PPM1K: variants seen among roughly 807,000 people sequenced by gnomAD.
The protein encoded by PPM1K is protein phosphatase, Mg2+/Mn2+ dependent 1K.
Under a neutral mutation model 32.6 loss-of-function variants are expected in PPM1K, and 19 were observed. The observed-to-expected ratio is 0.58, with a 90% CI of 0.41 to 0.86. The LOEUF is 0.86. PPM1K is among the 40% of genes least tolerant of loss of function. The pLI is 0.00. For synonymous variants in PPM1K, 159 were observed against 165.3 expected (o/e 0.96, Z 0.29); for missense variants, 362 against 461.2 (o/e 0.78, Z 1.97).
intron 5 of PPM1K, among the ~76,000 whole-genome samples, chr4:88,266,455 CTGAT>C (rs1332093867): frequency 2.7e-5 from 4 of 147,792 alleles, no homozygotes; most frequent in South Asian, 2.2e-4. Context: ...GTGTTGCTGG[CTGAT>C]TGGGTGCAGG....
chr4:88,281,306 T>C (rs563436195), intron 1 of PPM1K, among the ~76,000 whole-genome samples: 12 of 152,318 alleles, frequency 7.9e-5, no homozygotes, highest in African/African-American at 2.6e-4. Context: ...TAAATAAATA[T>C]TGAAGTTTTT....
Position 88,262,179 on chromosome 4 carries a change from A to C in PPM1K, c.*416T>G, listed in dbSNP as rs1731144839. The C allele has an allele frequency of 6.5e-6, 1 of 153,042 alleles. No individual in the cohort carries two copies. Among genetic ancestry groups the C allele is most frequent in the African/African-American group, 2.4e-5 (1 of 41,450 alleles). The allele number at this position is 153,042 out of a possible 1,614,324, so 9.5% of individuals were successfully genotyped here. A position where few individuals can be genotyped will look rare whatever the true frequency, so the allele number is the denominator to read the frequency against. ...GAAGTCTGGAAAAAAATTTTTTTAA[A>C]CTTGGAGATCACATATTGAATAGCT... On this transcript the variant is annotated 3_prime_UTR_variant, in exon 7 of 7. Coordinates refer to ENST00000608933, the MANE Select transcript of PPM1K (RefSeq NM_152542.5).
chr4:88,273,816 T>A (rs562025976), intron 3 of PPM1K, among the ~76,000 whole-genome samples: 29 of 152,226 alleles, frequency 1.9e-4, no homozygotes, highest in African/African-American at 6.5e-4. Context: ...CCCATCTGCA[T>A]AATAAAAGAT....
chr4:88,273,955 C>G (rs945472371), intron 3 of PPM1K, among the ~76,000 whole-genome samples: 1 of 152,210 alleles, frequency 6.6e-6, no homozygotes, highest in African/African-American at 2.4e-5. Context: ...AAATCAGACA[C>G]TGCCTCCTCA....
rs150935940 is a variant in PPM1K at position 88,277,158 on chromosome 4, G to C, written c.526C>G (p.Arg176Gly). The C allele has an allele frequency of 5.6e-6, 9 of 1,613,098 alleles. No individual in the cohort carries two copies. Among genetic ancestry groups the C allele is most frequent in the Non-Finnish European group, 6.8e-6 (8 of 1,179,220 alleles). ...EIDKAFSSHARLSADATLLTS... is the reference protein window; with the variant it reads ...EIDKAFSSHAGLSADATLLTS... ...TTTTACATACCATCAGCAGACAGGC[G>C]GGCATGACTCGAAAAGGCTTTATCT... Residue 176 changes from arginine (R) to glycine (G), a missense_variant, in exon 3 of 7, where the codon CGC (arginine) becomes GGC (glycine). Arg to Gly is a moderately radical substitution (Grantham distance 125). Transcript: ENST00000608933.
At chr4:88,275,887 G>C in intron 3 of PPM1K, 1 of 985,360 alleles carries the variant, frequency 1.0e-6, no homozygotes, top group Non-Finnish European at 1.2e-6. Flanking sequence ...TCTTCTTAAA[G>C]GTAAGGGTCC....
chr4:88,277,289 A>T (rs756411494), intron 2 of PPM1K, 46 bp from the exon 3 acceptor site: 1 of 1,306,054 alleles, frequency 7.7e-7, no homozygotes, highest in Non-Finnish European at 1.1e-6. Context: ...ATTTTACAAT[A>T]GGTTTTTCTC....
At chr4:88,265,270 G>T in intron 5 of PPM1K, 135 bp from the exon 6 acceptor site, 1 of 944,652 alleles carries the variant, frequency 1.1e-6, no homozygotes, top group Non-Finnish European at 1.6e-6. Flanking sequence ...GTTTGGCTGT[G>T]TCCCCACCCA....
chr4:88,278,563 A>C lies in PPM1K; in HGVS notation c.21T>G (p.Ile7Met). 6.2e-7 allele frequency: 1 copy of C among 1,610,286 alleles called. No individual in the cohort carries two copies. The highest frequency in any genetic ancestry group is 8.5e-7 in the Non-Finnish European group (1 of 1,178,042). ...GGTTCCCACCACTTCTGACCAAAGT[A>C]ATTAAGGCAGCTGTTGACATAACTC... MSTAAL[I>M]TLVRSGGNQV... is the part of the protein sequence containing the mutation. The change falls in exon 2 of 7, where the codon ATT becomes ATG. Residue 7 changes from isoleucine (I) to methionine (M), a missense_variant. Transcript: ENST00000608933. This position sits in a 1 kb window ranked among gnomAD's most constrained non-coding sequence, Gnocchi z 4.2.
chr4:88,270,308 T>C (rs761474877), intron 3 of PPM1K, among the ~76,000 whole-genome samples: 1 of 152,214 alleles, frequency 6.6e-6, no homozygotes, highest in Non-Finnish European at 1.5e-5. Context: ...TCTTTTATAG[T>C]CATGCTGAAC....
chr4:88,283,135 G>C (rs72661670), intron 1 of PPM1K, among the ~76,000 whole-genome samples: 2 of 152,300 alleles, frequency 1.3e-5, no homozygotes, highest in African/African-American at 2.4e-5. Flanking sequence ...TTCTTTCTGA[G>C]ACAGGGTCTT....
intron 3 of PPM1K, chr4:88,276,758 C>T (rs1169056260): frequency 2.0e-6 from 2 of 999,322 alleles, no homozygotes; most frequent in African/African-American, 1.7e-5. Flanking sequence ...TGTATTTCAG[C>T]ACTTGGTCAC....
At position 88,261,727 on chromosome 4, in the gene PPM1K, G is replaced by T. The variant is rs759061085; in HGVS notation, c.*868C>A. On this transcript the variant is annotated 3_prime_UTR_variant, in exon 7 of 7. Coordinates refer to ENST00000608933, the MANE Select transcript of PPM1K (RefSeq NM_152542.5). ...TTTTTTTTTTGAGATGGAGTTTTTC[G>T]CTCTTGCTGCCCAGGCTGGAGTGCA... is the stretch of plus-strand genomic sequence containing the variant. 9 of 133,184 alleles carry T rather than the reference G, an allele frequency of 6.8e-5. No homozygotes were observed. The highest frequency in any genetic ancestry group is 1.3e-4 in the Non-Finnish European group (8 of 63,424). The allele number at this position is 133,184 out of a possible 1,614,324, so 8.3% of individuals were successfully genotyped here.
chr4:88,267,279 C>T (rs1731372415), intron 5 of PPM1K, among the ~76,000 whole-genome samples: 1 of 144,574 alleles, frequency 6.9e-6, no homozygotes, highest in East Asian at 2.1e-4. Flanking sequence ...TGATTGGGTG[C>T]AGGTGATGCT....
rs192902966 is a variant in PPM1K, at chr4:88,277,851, C to T, written c.440+293G>A. On this transcript the variant is annotated intron_variant, in intron 2 of 6. Coordinates refer to ENST00000608933, the MANE Select transcript of PPM1K (RefSeq NM_152542.5). ...TGTCCTACACTGATGGGAGTAAATG[C>T]TTCTCATAGGTTATCTCATGTACAT... 7 of 448,328 alleles carry T rather than the reference C, an allele frequency of 1.6e-5. No individual in the cohort carries two copies. The Admixed American group carries it at 2.8e-4, about 18-fold the overall frequency. The allele number at this position is 448,328 out of a possible 1,614,324, so 27.8% of individuals were successfully genotyped here.
chr4:88,271,115 T>A (rs763069675), intron 3 of PPM1K: 2 of 518,616 alleles, frequency 3.9e-6, no homozygotes, highest in East Asian at 5.5e-5. Flanking sequence ...ATTAAGCAGA[T>A]CTCTCTTTCC....
chr4:88,278,249 T>C lies in PPM1K; in HGVS notation c.335A>G (p.Asp112Gly). Residue 112 changes from aspartate to glycine, a missense_variant, in exon 2 of 7, where the codon GAC becomes GGC. By Grantham distance (94) the Asp-to-Gly change is moderately conservative. Transcript: ENST00000608933. The surrounding 1 kb of genome is among the most constrained non-coding windows in gnomAD (Gnocchi z 4.2). Reference protein sequence around the residue: ...GKRKENEDRFDFAQLTDEVLY... With the variant: ...GKRKENEDRFGFAQLTDEVLY... ...GACCTCATCTGTCAGCTGAGCGAAGTCAAACCGATCTTCATTCTCTTTCCG... is the reference window on the plus strand; with the variant it reads ...GACCTCATCTGTCAGCTGAGCGAAGCCAAACCGATCTTCATTCTCTTTCCG... 1 of 1,614,162 alleles carries C rather than the reference T, an allele frequency of 6.2e-7. No individual in the cohort carries two copies.
chr4:88,267,256 G>GATGCTGGCTGATTGGGTGCA (rs1560485837), intron 5 of PPM1K, among the ~76,000 whole-genome samples: 5 of 132,314 alleles, frequency 3.8e-5, no homozygotes, highest in African/African-American at 1.1e-4. Context: ...GATTGGGTGT[G>GATGCTGGCTGATTGGGTGCA]GGTGATGCTG....
intron 3 of PPM1K, chr4:88,276,266 T>C: frequency 1.0e-6 from 1 of 985,406 alleles, no homozygotes; most frequent in South Asian, 4.7e-5. Context: ...TGTGGTGCAC[T>C]TGGTTTCTTT....
Sources: gnomAD v4.1 joint callset for allele counts (sites outside exome capture counted in the v4.1 genomes callset) on GRCh38, gnomAD v4.1.1 for gene constraint, Gnocchi (gnomAD v3.1) non-coding constraint, MANE v1.5 for transcripts, NCBI Gene and HGNC (gene_info 2026-07-23, HGNC 2026-07-21) for gene names.